CDC42BPA: variants seen among roughly 807,000 people sequenced by gnomAD.
The protein encoded by CDC42BPA is CDC42 binding protein kinase alpha.
In CDC42BPA, 80 loss-of-function variants were observed where a neutral mutation model predicts 223.5. The ratio of observed to expected loss-of-function variants is 0.36; its 90% CI spans 0.30 to 0.43. The LOEUF (loss-of-function observed/expected upper bound fraction) is 0.43. CDC42BPA is among the 20% of genes least tolerant of loss of function. CDC42BPA has a pLI of 1.00. For synonymous variants in CDC42BPA, 694 were observed against 718.6 expected (o/e 0.97, Z 0.55); for missense variants, 1,743 against 2,099.9 (o/e 0.83, Z 3.32).
At chr1:226,995,389 G>C (rs1661412320) in intron 35 of CDC42BPA, among the ~76,000 whole-genome samples, 1 of 152,146 alleles carries the variant, frequency 6.6e-6, no homozygotes, top group Non-Finnish European at 1.5e-5. Flanking sequence ...TCATGTGCCT[G>C]TCATTCTCCC....
intron 2 of CDC42BPA, among the ~76,000 whole-genome samples, chr1:227,253,138 G>A (rs944702789): frequency 2.0e-5 from 3 of 151,986 alleles, no homozygotes; most frequent in Non-Finnish European, 2.9e-5. Flanking sequence ...TCTGCAAACT[G>A]ATCTCCAGTT....
In CDC42BPA at chr1:226,991,595, G is replaced by A. The variant is rs916563643; in HGVS notation, c.*2673C>T. On this transcript the variant is annotated 3_prime_UTR_variant, in exon 37 of 37. Transcript: ENST00000366766. The stretch of plus-strand genomic sequence containing the variant: ...TCTATTATGACTGATGAGATTACTT[G>A]CCATTGCAGTGGAAAAATCAAAGAG... 1 of 152,090 alleles carries A rather than the reference G, an allele frequency of 6.6e-6. No homozygotes were observed. The highest frequency in any genetic ancestry group is 1.5e-5 in the Non-Finnish European group (1 of 68,022). 9.4% of individuals were successfully genotyped at this position (152,090 alleles called of 1,614,324 possible).
At position 227,168,497 on chromosome 1, in the gene CDC42BPA, G is replaced by GTTTTTTTTTTTT. The variant is rs1292387936; in HGVS notation, c.600-7873_600-7862dup. The stretch of plus-strand genomic sequence containing the variant: ...CTTTTTCATATTTATCTTCCCTGGT[G>GTTTTTTTTTTTT]TTTTTTTTTTTTTTTTGAGGCAGAG... On this transcript the variant is annotated intron_variant, in intron 5 of 36. Coordinates refer to ENST00000366766, the MANE Select transcript of CDC42BPA (RefSeq NM_001394014.1). Among the ~76,000 whole-genome samples, 563 of 80,070 alleles carry GTTTTTTTTTTTT rather than the reference G, an allele frequency of 7.0e-3. 52 individuals carry two copies. The highest frequency in any genetic ancestry group is 0.04 in the East Asian group (117 of 2,958). The allele number at this position is 80,070 out of a possible 152,430, so 52.5% of individuals were successfully genotyped here.
At position 227,031,358 on chromosome 1, in the gene CDC42BPA, T is replaced by C; in HGVS notation, c.3715A>G (p.Lys1239Glu). 1 of 1,614,090 alleles carries C rather than the reference T, an allele frequency of 6.2e-7. No homozygotes were observed. The highest frequency in any genetic ancestry group is 1.6e-4 in the Middle Eastern group (1 of 6,062). ...GGTAGAGTGCTGTCATAAGCCTCTT[T>C]GGGAACATAGACTGAGCGGTCTCTG... ...KFRDRSVYVP[K>E]EAYDSTLPLI... is the part of the protein sequence containing the mutation. Residue 1239 changes from lysine (K) to glutamate (E), a missense_variant, in exon 28 of 37, where the codon AAA becomes GAA. This residue lies in a region of CDC42BPA where 678 missense variants were observed against 777.5 expected (regional missense o/e 0.87). Coordinates refer to ENST00000366766, the MANE Select transcript of CDC42BPA (RefSeq NM_001394014.1).
rs139058666 is a variant in CDC42BPA at position 227,009,682 on chromosome 1, C to T, written c.4858-4571G>A. 3.4e-3 allele frequency among the ~76,000 whole-genome samples: 523 copies of T among 152,196 alleles called. 3 individuals are homozygous for T. The highest frequency in any genetic ancestry group is 0.011 in the African/African-American group (476 of 41,508). Reference sequence around the variant, plus strand: ...CCTCCTGCCTCAGCCTCCCAAAGTGCTGGGATTACATGTATGAGCCATCAT... The same window carrying T: ...CCTCCTGCCTCAGCCTCCCAAAGTGTTGGGATTACATGTATGAGCCATCAT... On this transcript the variant is annotated intron_variant, in intron 34 of 36. Coordinates refer to ENST00000366766, the MANE Select transcript of CDC42BPA (RefSeq NM_001394014.1).
At chr1:227,135,037 G>A (rs1658203472) in intron 10 of CDC42BPA, among the ~76,000 whole-genome samples, 2 of 152,200 alleles carry the variant, frequency 1.3e-5, no homozygotes, top group Non-Finnish European at 2.9e-5. Context: ...AGCCAGGGAA[G>A]TGAGGCATTC....
At chr1:227,069,644 T>C in intron 21 of CDC42BPA, 133 bp downstream of exon 21, 1 of 586,610 alleles carries the variant, frequency 1.7e-6, no homozygotes, top group South Asian at 2.4e-5. Context: ...TCTGCTAATA[T>C]GTTTTTGTTT....
chr1:227,141,669 T>C (rs1455830491), intron 9 of CDC42BPA, among the ~76,000 whole-genome samples: 1 of 152,190 alleles, frequency 6.6e-6, no homozygotes, highest in African/African-American at 2.4e-5. Context: ...ATAGGCCAGA[T>C]GCAGTGGCTC....
chr1:227,195,964 G>A (rs769577356), intron 4 of CDC42BPA, among the ~76,000 whole-genome samples: 14 of 152,050 alleles, frequency 9.2e-5, no homozygotes, highest in South Asian at 2.1e-4. Context: ...TCACATAAGA[G>A]GGAACACAAT....
chr1:227,192,726 T>A (rs948697042), intron 5 of CDC42BPA, among the ~76,000 whole-genome samples: 1 of 152,224 alleles, frequency 6.6e-6, no homozygotes, highest in Non-Finnish European at 1.5e-5. Flanking sequence ...TCCAAATTCA[T>A]GCTGGTATTT....
chr1:227,204,808 T>C (rs1672374373), intron 3 of CDC42BPA, among the ~76,000 whole-genome samples: 1 of 152,176 alleles, frequency 6.6e-6, no homozygotes, highest in Non-Finnish European at 1.5e-5. Flanking sequence ...TATTGACAGT[T>C]TGACACTTCA....
At chr1:227,217,119 A>G (rs931810179) in intron 2 of CDC42BPA, among the ~76,000 whole-genome samples, 3 of 152,154 alleles carry the variant, frequency 2.0e-5, no homozygotes, top group African/African-American at 7.2e-5. Flanking sequence ...TCCTGCATAT[A>G]GCAAGAATTC....
chr1:227,268,590 GTATA>G (rs1235339285), intron 1 of CDC42BPA, among the ~76,000 whole-genome samples: 5 of 120,226 alleles, frequency 4.2e-5, no homozygotes, highest in East Asian at 4.8e-4. Flanking sequence ...ATATATATGT[GTATA>G]TATAGTGTGT....
Position 227,033,336 on chromosome 1 carries a change from T to C in CDC42BPA, c.3556A>G (p.Arg1186Gly). 1.9e-6 allele frequency: 3 copies of C among 1,598,888 alleles called. No individual in the cohort carries two copies. Among genetic ancestry groups the C allele is most frequent in the Non-Finnish European group, 2.6e-6 (3 of 1,166,126 alleles). The change falls in exon 27 of 37, where the codon AGG (arginine) becomes GGG (glycine). Residue 1186 changes from arginine (R) to glycine (G), a missense_variant and splice_region_variant. Arg to Gly is a moderately radical substitution (Grantham distance 125, BLOSUM62 -2). Coordinates refer to ENST00000366766, the MANE Select transcript of CDC42BPA (RefSeq NM_001394014.1). Reference protein sequence around the residue: ...ASRKDIPCIFRVTASQLSASN... With the variant: ...ASRKDIPCIFGVTASQLSASN... ...CAAATTACAGCATACACACTTACCC[T>C]AAATATACAGGGTATATCTTTCCGA...
intron 22 of CDC42BPA, among the ~76,000 whole-genome samples, chr1:227,050,033 T>C (rs938833977): frequency 3.3e-5 from 5 of 151,954 alleles, no homozygotes; most frequent in Admixed American, 6.6e-5. Context: ...ATCAAAACTT[T>C]TGCAAGACAA....
chr1:227,099,664 T>C (rs1287000297), intron 15 of CDC42BPA, among the ~76,000 whole-genome samples: 1 of 152,132 alleles, frequency 6.6e-6, no homozygotes, highest in Non-Finnish European at 1.5e-5. Context: ...TGAGCCACAA[T>C]GGCCTCCTCA....
intron 5 of CDC42BPA, among the ~76,000 whole-genome samples, chr1:227,184,716 TGA>T (rs1366840542): frequency 6.6e-6 from 1 of 152,168 alleles, no homozygotes; most frequent in African/African-American, 2.4e-5. Context: ...GCTAGGATTT[TGA>T]GAGACTGCAA....
At chr1:227,236,536 ATAAT>A (rs1679060240) in intron 2 of CDC42BPA, among the ~76,000 whole-genome samples, 3 of 58,352 alleles carry the variant, frequency 5.1e-5, no homozygotes, top group Non-Finnish European at 9.9e-5. Context: ...CATATGTTCC[ATAAT>A]TATTAAACCT....
intron 2 of CDC42BPA, among the ~76,000 whole-genome samples, chr1:227,220,640 T>G (rs749302311): frequency 6.6e-6 from 1 of 151,618 alleles, no homozygotes. Context: ...ACAGACCTTT[T>G]ACATTCCCTC....
Sources: gnomAD v4.1 joint callset for allele counts (sites outside exome capture counted in the v4.1 genomes callset) on GRCh38, gnomAD v4.1.1 for gene constraint, gnomAD v4.1.1 regional missense constraint, MANE v1.5 for transcripts, NCBI Gene and HGNC (gene_info 2026-07-23, HGNC 2026-07-21) for gene names.